The following CALD1 variants were observed in gnomAD, a reference collection of about 807,000 sequenced individuals.
The protein encoded by CALD1 is caldesmon.
Under a neutral mutation model 99.9 loss-of-function variants are expected in CALD1, and 33 were observed. That is an observed-to-expected ratio of 0.33 (90% CI 0.25 to 0.44). CALD1 has a LOEUF of 0.44. CALD1 is among the 20% of genes least tolerant of loss of function. The pLI is 1.00. For missense variants in CALD1, 861 were observed against 962.1 expected (o/e 0.89, Z 1.39); for synonymous variants, 310 against 325.0 (o/e 0.95, Z 0.50).
chr7:134,712,860 G>A, the CALD1 span, among the ~76,000 whole-genome samples: 1 of 152,170 alleles, frequency 6.6e-6, no homozygotes, highest in East Asian at 1.9e-4. Context: ...GGAAAGAAGA[G>A]AAGAAAGTCG....
intron 2 of CALD1, among the ~76,000 whole-genome samples, chr7:134,862,930 C>T (rs1053033015): frequency 2.0e-5 from 3 of 152,182 alleles, no homozygotes; most frequent in African/African-American, 7.2e-5. Flanking sequence ...CCTCTGAAGG[C>T]ACTGGGGAAG....
intron 3 of CALD1, among the ~76,000 whole-genome samples, chr7:134,873,903 T>G (rs1457982945): frequency 6.6e-6 from 1 of 152,234 alleles, no homozygotes; most frequent in East Asian, 1.9e-4. Context: ...TAATTATTAT[T>G]ATTTAATTTG....
chr7:134,866,230 T>C (rs1324999221), intron 2 of CALD1, among the ~76,000 whole-genome samples: 3 of 152,212 alleles, frequency 2.0e-5, no homozygotes, highest in Non-Finnish European at 2.9e-5. Flanking sequence ...ACAGACTAGA[T>C]TGGAAAGTGT....
chr7:134,787,109 A>G (rs997935807), intron 1 of CALD1, among the ~76,000 whole-genome samples: 1 of 152,182 alleles, frequency 6.6e-6, no homozygotes, highest in Non-Finnish European at 1.5e-5. Context: ...CTATTTCTTT[A>G]GTTTTGAATA....
rs879577439 is a variant in CALD1 at position 134,869,460 on chromosome 7, GGCC to G, written c.71+1657_71+1659del. ...CTGGAAGAGATAGTATGGTAATGAG[GGCC>G]TGAATCAGGTCAGTGAGTATGGAAA... is the stretch of plus-strand genomic sequence containing the variant. On this transcript the variant is annotated intron_variant, in intron 3 of 14. Coordinates refer to ENST00000361675, the MANE Select transcript of CALD1 (RefSeq NM_033138.4). Among the ~76,000 whole-genome samples the G allele has an allele frequency of 2.2e-3, 337 of 152,236 alleles. 1 individual carries two copies. Among genetic ancestry groups the G allele is most frequent in the Non-Finnish European group, 2.7e-3 (181 of 68,016 alleles).
intron 2 of CALD1, among the ~76,000 whole-genome samples, chr7:134,847,964 A>G (rs1244530747): frequency 6.6e-6 from 1 of 152,202 alleles, no homozygotes; most frequent in Non-Finnish European, 1.5e-5. Context: ...TAGCATTTGT[A>G]CAGTTACAGG....
At chr7:134,817,951 T>TG (rs1217117473) in intron 1 of CALD1, among the ~76,000 whole-genome samples, 1 of 152,214 alleles carries the variant, frequency 6.6e-6, no homozygotes, top group Non-Finnish European at 1.5e-5. Flanking sequence ...TTGTCACACT[T>TG]GCCGTCAGCC....
chr7:134,712,011 G>A, the CALD1 span, among the ~76,000 whole-genome samples: 1 of 125,442 alleles, frequency 8.0e-6, no homozygotes, highest in South Asian at 3.3e-4. Context: ...GGAAAGGAGG[G>A]AGGGAAGGAG....
chr7:134,804,569 A>G (rs536218333), intron 1 of CALD1, among the ~76,000 whole-genome samples: 1 of 152,258 alleles, frequency 6.6e-6, no homozygotes, highest in South Asian at 2.1e-4. Context: ...TGAAATTTGA[A>G]TCCTCCATTT....
chr7:134,807,294 A>G (rs1013919475), intron 1 of CALD1, among the ~76,000 whole-genome samples: 1 of 152,240 alleles, frequency 6.6e-6, no homozygotes, highest in East Asian at 1.9e-4. Flanking sequence ...TCTTTCCATG[A>G]TACCATGACT....
chr7:134,830,278 T>C (rs1799168700), intron 1 of CALD1, among the ~76,000 whole-genome samples: 1 of 152,226 alleles, frequency 6.6e-6, no homozygotes, highest in Non-Finnish European at 1.5e-5. Flanking sequence ...AATTTATTCT[T>C]TCTTCACCCT....
chr7:134,807,332 G>C (rs1052327212), intron 1 of CALD1, among the ~76,000 whole-genome samples: 2 of 152,086 alleles, frequency 1.3e-5, no homozygotes, highest in African/African-American at 4.8e-5. Flanking sequence ...CAACTCACTG[G>C]GGGTATAAAG....
At position 134,861,461 on chromosome 7, in the gene CALD1, G is replaced by A. The variant is rs187755258; in HGVS notation, c.-41-6232G>A. ...GAATGCAAATCTTTAGGATATACACGACATGCTCCCTTTCTCCCACAAAGC... is the reference window on the plus strand; with the variant it reads ...GAATGCAAATCTTTAGGATATACACAACATGCTCCCTTTCTCCCACAAAGC... On this transcript the variant is annotated intron_variant, in intron 2 of 14. Transcript: ENST00000361675. Among the ~76,000 whole-genome samples, 19 of 152,256 alleles carry A rather than the reference G, an allele frequency of 1.2e-4. No individual in the cohort carries two copies. The East Asian group carries it at 2.9e-3, about 23-fold the overall frequency.
chr7:134,890,284 T>C (rs1802089190), intron 3 of CALD1, among the ~76,000 whole-genome samples: 1 of 152,228 alleles, frequency 6.6e-6, no homozygotes, highest in Non-Finnish European at 1.5e-5. Context: ...GGAGACCACT[T>C]AACCTAACCC....
intron 3 of CALD1, among the ~76,000 whole-genome samples, chr7:134,911,838 G>A (rs1428862809): frequency 1.3e-5 from 2 of 152,180 alleles, no homozygotes; most frequent in Non-Finnish European, 2.9e-5. Context: ...AACTTGACTT[G>A]CTTTCAAGAA....
chr7:134,942,887 T>C (rs562772996), intron 7 of CALD1, among the ~76,000 whole-genome samples: 1 of 152,292 alleles, frequency 6.6e-6, no homozygotes, highest in East Asian at 1.9e-4. Flanking sequence ...AACATGCCTA[T>C]TGTGTAGAAA....
intron 3 of CALD1, among the ~76,000 whole-genome samples, chr7:134,872,918 C>T (rs1477903665): frequency 6.6e-6 from 1 of 152,160 alleles, no homozygotes; most frequent in Non-Finnish European, 1.5e-5. Context: ...TGCAATGGCT[C>T]ACTCCCGTAA....
intron 1 of CALD1, among the ~76,000 whole-genome samples, chr7:134,773,086 A>C (rs911157337): frequency 6.6e-6 from 1 of 152,184 alleles, no homozygotes; most frequent in African/African-American, 2.4e-5. Context: ...GGCCCTTTGG[A>C]TCTGGAAACT....
chr7:134,894,916 G>A (rs889905985), intron 3 of CALD1, among the ~76,000 whole-genome samples: 74 of 152,062 alleles, frequency 4.9e-4, no homozygotes, highest in Non-Finnish European at 1.6e-4. Context: ...TTTTCTTATA[G>A]AGAAGTGTGC....
Sources: allele counts gnomAD v4.1 joint callset (sites outside exome capture counted in the v4.1 genomes callset), GRCh38; gene constraint gnomAD v4.1.1; transcripts MANE v1.5; gene names NCBI Gene and HGNC (gene_info 2026-07-23, HGNC 2026-07-21).